ZNF512B: variants seen among roughly 807,000 people sequenced by gnomAD.
ZNF512B encodes the protein zinc finger protein 512B.
Under a neutral mutation model 87.8 loss-of-function variants are expected in ZNF512B, and 22 were observed. The observed-to-expected ratio is 0.25, with a 90% CI of 0.18 to 0.36. ZNF512B has a LOEUF of 0.36. Ranked by LOEUF, ZNF512B falls within the 10% of genes least tolerant of loss-of-function variation. The pLI is 1.00. For synonymous variants in ZNF512B, 524 were observed against 490.9 expected, an observed-to-expected ratio of 1.07 and a Z score of -0.89; for missense variants, 1,060 against 1,231.6, an observed-to-expected ratio of 0.86 and a Z score of 2.09.
Position 63,962,289 on chromosome 20 carries a change from A to G in ZNF512B, c.2249T>C (p.Val750Ala). 1 of 1,612,022 alleles carries G rather than the reference A, an allele frequency of 6.2e-7. No individual in the cohort carries two copies. Among genetic ancestry groups the G allele is most frequent in the Non-Finnish European group, 8.5e-7 (1 of 1,179,866 alleles). Residue 750 changes from valine to alanine, a missense_variant, in exon 14 of 17, where the codon GTC (valine) becomes GCC (alanine). This residue lies in a region of ZNF512B where 253 missense variants were observed against 259.2 expected (regional missense o/e 0.98). Coordinates refer to ENST00000369888, the MANE Select transcript of ZNF512B (RefSeq NM_020713.3). ...WKNEVKEKGH[V>A]NCPNDCCEAI... ...TCCGCTCACGTCGTTGGGACAGTTG[A>G]CGTGGCCTTTCTCCTTCACTTCATT...
chr20:63,969,595 G>T (rs868004469), intron 1 of ZNF512B, among the ~76,000 whole-genome samples: 30 of 147,660 alleles, frequency 2.0e-4, no homozygotes, highest in South Asian at 4.2e-4. Context: ...GGCGCGGGGT[G>T]GGGGGGCGAA....
intron 8 of ZNF512B, 40 bp downstream of exon 8, chr20:63,964,031 C>A (rs1004354030): frequency 6.3e-7 from 1 of 1,595,766 alleles, no homozygotes; most frequent in Non-Finnish European, 8.5e-7. Context: ...ATCTACCCGC[C>A]GTCTAGAGCT....
intron 16 of ZNF512B, 137 bp from the exon 17 acceptor site, chr20:63,960,276 G>A (rs2058835220): frequency 1.5e-6 from 2 of 1,291,858 alleles, no homozygotes; most frequent in Admixed American, 2.6e-5. Context: ...CAGCCTTTAG[G>A]ACCAGGCAGG....
In ZNF512B at chr20:63,958,994, AG is replaced by A. The variant is rs1344222716; in HGVS notation, c.*893del. The A allele has an allele frequency of 6.6e-6, 1 of 152,592 alleles. No homozygotes were observed. The highest frequency in any genetic ancestry group is 1.5e-5 in the Non-Finnish European group (1 of 68,384). 9.5% of individuals were successfully genotyped at this position (152,592 alleles called of 1,614,324 possible). On this transcript the variant is annotated 3_prime_UTR_variant, in exon 17 of 17. Transcript: ENST00000369888. ...TGCCTATGGGCCCCAGCAAGACCCC[AG>A]GGCCCGAACTAGTCCGTCCCTACTC... is the stretch of plus-strand genomic sequence containing the variant.
intron 8 of ZNF512B, 22 bp from the exon 9 acceptor site, chr20:63,963,935 C>G: frequency 1.9e-6 from 3 of 1,606,422 alleles, no homozygotes; most frequent in Non-Finnish European, 2.5e-6. Context: ...GCAGGGGCCT[C>G]GAAGGCTTGT....
chr20:63,964,197 T>C lies in ZNF512B; in HGVS notation c.1354A>G (p.Lys452Glu). 1 of 1,600,082 alleles carries C rather than the reference T, an allele frequency of 6.2e-7. No individual in the cohort carries two copies. Among genetic ancestry groups the C allele is most frequent in the South Asian group, 1.1e-5 (1 of 89,336 alleles). ...TTCTTGGAGCGGTGAACTCGGGCCT[T>C]GTCCTCAGCTTTGACCAGGCCTGTG... is the stretch of plus-strand genomic sequence containing the variant. ...GLKGLVKAED[K>E]ARVHRSKKQE... The change falls in exon 8 of 17, where the codon AAG becomes GAG. Residue 452 changes from lysine to glutamate, a missense_variant. By Grantham distance (56) the Lys-to-Glu change is moderately conservative (BLOSUM62 1). Transcript: ENST00000369888.
At position 63,961,923 on chromosome 20, in the gene ZNF512B, G is replaced by T; in HGVS notation, c.2328+19C>A. On this transcript the variant is annotated intron_variant, in intron 15 of 16. Transcript: ENST00000369888. This position sits in a 1 kb window ranked among gnomAD's most constrained non-coding sequence, Gnocchi z 6.4. The stretch of plus-strand genomic sequence containing the variant: ...CTGAGTGCAGCGCACCTGGCCGTGG[G>T]GCAGGCCCCAGAACTGACCTTACTG... 1 of 1,550,820 alleles carries T rather than the reference G, an allele frequency of 6.4e-7. No individual in the cohort carries two copies. The highest frequency in any genetic ancestry group is 8.7e-7 in the Non-Finnish European group (1 of 1,146,804).
In ZNF512B at chr20:63,966,498, T is replaced by C; in HGVS notation, c.677A>G (p.Lys226Arg). The C allele has an allele frequency of 5.0e-6, 8 of 1,614,096 alleles. No homozygotes were observed. The highest frequency in any genetic ancestry group is 6.8e-6 in the Non-Finnish European group (8 of 1,180,026). The change falls in exon 5 of 17, where the codon AAG (lysine) becomes AGG (arginine). Residue 226 changes from lysine to arginine, a missense_variant. This residue lies in a region of ZNF512B where 201 missense variants were observed against 226.8 expected (regional missense o/e 0.89). Transcript: ENST00000369888. ...VSVGRPMPVT[K>R]AIPVTRPVPV... ...CACGGGCCTAGTGACCGGGATGGCC[T>C]TGGTGACTGGCATGGGTCTGCCGAC...
chr20:63,964,217 C>G lies in ZNF512B; in HGVS notation c.1334G>C (p.Gly445Ala), dbSNP rs771192933. 1 of 1,604,834 alleles carries G rather than the reference C, an allele frequency of 6.2e-7. No individual in the cohort carries two copies. The highest frequency in any genetic ancestry group is 8.5e-7 in the Non-Finnish European group (1 of 1,175,956). ...PSISGTFGLK[G>A]LVKAEDKARV... Reference sequence around the variant, plus strand: ...GGCCTTGTCCTCAGCTTTGACCAGGCCTGTGTGCACACATGGGGTGGAGAG... The same window carrying G: ...GGCCTTGTCCTCAGCTTTGACCAGGGCTGTGTGCACACATGGGGTGGAGAG... Residue 445 changes from glycine (G) to alanine (A), a missense_variant and splice_region_variant, in exon 8 of 17, where the codon GGC (glycine) becomes GCC (alanine). Coordinates refer to ENST00000369888, the MANE Select transcript of ZNF512B (RefSeq NM_020713.3).
At position 63,964,686 on chromosome 20, in the gene ZNF512B, A is replaced by C; in HGVS notation, c.1065T>G (p.Ile355Met). 6.2e-7 allele frequency: 1 copy of C among 1,611,614 alleles called. No homozygotes were observed. Among genetic ancestry groups the C allele is most frequent in the Non-Finnish European group, 8.5e-7 (1 of 1,179,936 alleles). ...TCTCTGGCCTGGCCTGCTTGGGTGG[A>C]ATTGGGCAGGTGTCCAGGCTGTCCG... ...RAADSLDTCP[I>M]PPKQARPENG... Residue 355 changes from isoleucine (I) to methionine (M), a missense_variant, in exon 6 of 17, where the codon ATT becomes ATG. Transcript: ENST00000369888.
intron 12 of ZNF512B, 64 bp from the exon 13 acceptor site, chr20:63,962,845 G>T: frequency 6.8e-7 from 1 of 1,466,220 alleles, no homozygotes; most frequent in South Asian, 1.3e-5. Context: ...GTCAGCGCGC[G>T]GCGAGGCCAC....
chr20:63,969,791 C>A lies in ZNF512B; in HGVS notation c.-3+23G>T. ...CGCCGGGGCTGCGGCCAGAATGGGT[C>A]CGGGGCGCGGCCGGGCGCTTACCTG... On this transcript the variant is annotated intron_variant, in intron 1 of 16. Coordinates refer to ENST00000369888, the MANE Select transcript of ZNF512B (RefSeq NM_020713.3). 4 of 135,436 alleles carry A rather than the reference C, an allele frequency of 3.0e-5. No homozygotes were observed. The South Asian group carries it at 8.3e-4, about 28-fold the overall frequency. 8.4% of individuals were successfully genotyped at this position (135,436 alleles called of 1,614,324 possible).
chr20:63,965,136 A>G lies in ZNF512B; in HGVS notation c.1035-420T>C, dbSNP rs188889970. Reference sequence around the variant, plus strand: ...ACGAGCCCCCATACCTTTTCTCACCACTGTTCCCTGACCTGGAACGAGCCC... The same window carrying G: ...ACGAGCCCCCATACCTTTTCTCACCGCTGTTCCCTGACCTGGAACGAGCCC... On this transcript the variant is annotated intron_variant, in intron 5 of 16. Coordinates refer to ENST00000369888, the MANE Select transcript of ZNF512B (RefSeq NM_020713.3). Among the ~76,000 whole-genome samples the G allele has an allele frequency of 4.3e-4, 4 of 9,254 alleles. No individual in the cohort carries two copies. The African/African-American group carries it at 5.1e-3, about 12-fold the overall frequency. 6.1% of individuals were successfully genotyped at this position (9,254 alleles called of 152,430 possible).
At position 63,959,918 on chromosome 20, in the gene ZNF512B, C is replaced by A; in HGVS notation, c.2649G>T (p.Lys883Asn). ...DKGARGSTGR[K>N]VGVSKAPEK ...TTTCAGGCGCCTTGCTGACTCCCAC[C>A]TTCCGGCCGGTGGAGCCCCGGGCCC... The change falls in exon 17 of 17, where the codon AAG becomes AAT. Residue 883 changes from lysine to asparagine, a missense_variant. Lys to Asn is a moderately conservative substitution (Grantham distance 94). Transcript: ENST00000369888. The A allele has an allele frequency of 6.2e-7, 1 of 1,602,788 alleles. No homozygotes were observed. The highest frequency in any genetic ancestry group is 1.1e-5 in the South Asian group (1 of 90,626).
At position 63,969,902 on chromosome 20, in the gene ZNF512B, C is replaced by T. The variant is rs1322060302; in HGVS notation, c.-91G>A. 1 of 146,574 alleles carries T rather than the reference C, an allele frequency of 6.8e-6. No individual in the cohort carries two copies. The highest frequency in any genetic ancestry group is 1.5e-5 in the Non-Finnish European group (1 of 65,882). The allele number at this position is 146,574 out of a possible 1,614,324, so 9.1% of individuals were successfully genotyped here. A position where few individuals can be genotyped will look rare whatever the true frequency, so the allele number is the denominator to read the frequency against. Reference sequence around the variant, plus strand: ...GGGCGCTGGGTCCGGGCGGCGCAGGCTGCGCGCCGCGCTGCGCACATGCGC... The same window carrying T: ...GGGCGCTGGGTCCGGGCGGCGCAGGTTGCGCGCCGCGCTGCGCACATGCGC... On this transcript the variant is annotated 5_prime_UTR_variant, in exon 1 of 17. Coordinates refer to ENST00000369888, the MANE Select transcript of ZNF512B (RefSeq NM_020713.3).
chr20:63,967,020 G>A lies in ZNF512B; in HGVS notation c.265-16C>T, dbSNP rs2058935425. Reference sequence around the variant, plus strand: ...TCAGGGAGAGCTAGGCGTGGGGAAAGGTGGTGCTGCTGACCCGCAGCCACC... The same window carrying A: ...TCAGGGAGAGCTAGGCGTGGGGAAAAGTGGTGCTGCTGACCCGCAGCCACC... On this transcript the variant is annotated splice_polypyrimidine_tract_variant and intron_variant, in intron 3 of 16. Transcript: ENST00000369888. 6 of 1,612,682 alleles carry A rather than the reference G, an allele frequency of 3.7e-6. No homozygotes were observed. The highest frequency in any genetic ancestry group is 5.1e-6 in the Non-Finnish European group (6 of 1,179,966).
In ZNF512B at chr20:63,963,415, C is replaced by A. The variant is rs1468798707; in HGVS notation, c.1724G>T (p.Gly575Val). 5 of 1,548,470 alleles carry A rather than the reference C, an allele frequency of 3.2e-6. No homozygotes were observed. The highest frequency in any genetic ancestry group is 2.4e-5 in the East Asian group (1 of 41,554). ...AKPSDAEASEGGEQEERERLR... is the reference protein window; with the variant it reads ...AKPSDAEASEVGEQEERERLR... ...CCTCTCGCGCTCCTCCTGCTCGCCCCCTTCGGAGGCCTCGGCGTCAGAGGG... is the reference window on the plus strand; with the variant it reads ...CCTCTCGCGCTCCTCCTGCTCGCCCACTTCGGAGGCCTCGGCGTCAGAGGG... Residue 575 changes from glycine to valine, a missense_variant, in exon 11 of 17, where the codon GGG (glycine) becomes GTG (valine). Coordinates refer to ENST00000369888, the MANE Select transcript of ZNF512B (RefSeq NM_020713.3).
At position 63,962,695 on chromosome 20, in the gene ZNF512B, C is replaced by T. The variant is rs11905742; in HGVS notation, c.2055G>A (p.Thr685=). The T allele has an allele frequency of 3.7e-4, 591 of 1,603,130 alleles. 2 individuals are homozygous for T. The African/African-American group carries it at 6.3e-3, about 17-fold the overall frequency. Reference sequence around the variant, plus strand: ...GGTGGAACACCGCCACCTGGGCCGACGTGCGGCGGACACGCCCGCTTGGGG... The same window carrying T: ...GGTGGAACACCGCCACCTGGGCCGATGTGCGGCGGACACGCCCGCTTGGGG... ...ERTPSGRVRR[T]SAQVAVFHLQ... The change falls in exon 13 of 17, where the codon ACG becomes ACA. Residue 685 remains threonine (T), a synonymous_variant. Coordinates refer to ENST00000369888, the MANE Select transcript of ZNF512B (RefSeq NM_020713.3).
At position 63,963,771 on chromosome 20, in the gene ZNF512B, T is replaced by C; in HGVS notation, c.1605+18A>G. ...GCCAGGGCGCCTCCCTCCCAGCGCC[T>C]TCCGGGAGCTGCCTTACCTTCTGAC... On this transcript the variant is annotated intron_variant, in intron 9 of 16. Transcript: ENST00000369888. 3.1e-6 allele frequency: 5 copies of C among 1,613,090 alleles called. No individual in the cohort carries two copies. Among genetic ancestry groups the C allele is most frequent in the Non-Finnish European group, 3.4e-6 (4 of 1,180,014 alleles).
Sources: allele counts gnomAD v4.1 joint callset (sites outside exome capture counted in the v4.1 genomes callset), GRCh38; gene constraint gnomAD v4.1.1; regional missense constraint gnomAD v4.1.1; non-coding constraint Gnocchi (gnomAD v3.1); transcripts MANE v1.5; gene names NCBI Gene and HGNC (gene_info 2026-07-23, HGNC 2026-07-21).